ANKRD30B: variants seen among roughly 807,000 people sequenced by gnomAD.
The protein encoded by ANKRD30B is ankyrin repeat domain-containing protein 30B.
ANKRD30B carries 144 observed loss-of-function variants against 202.2 expected under a neutral mutation model. The ratio of observed to expected loss-of-function variants is 0.71; its 90% CI spans 0.62 to 0.82. The LOEUF is 0.82. ANKRD30B is among the 40% of genes least tolerant of loss of function. The pLI is 0.00. For synonymous variants in ANKRD30B, 508 were observed against 561.3 expected (o/e 0.91, Z 1.34); for missense variants, 1,487 against 1,669.1 (o/e 0.89, Z 1.90).
intron 4 of ANKRD30B, among the ~76,000 whole-genome samples, chr18:14,756,739 CA>C (rs1263801199): frequency 6.6e-6 from 1 of 152,120 alleles, no homozygotes; most frequent in Non-Finnish European, 1.5e-5. Flanking sequence ...ACTAAAAATA[CA>C]AAAATTACTG....
chr18:14,748,322 G>T lies in ANKRD30B; in HGVS notation c.-98G>T. 2 of 1,018,862 alleles carry T rather than the reference G, an allele frequency of 2.0e-6. No homozygotes were observed. Among genetic ancestry groups the T allele is most frequent in the Non-Finnish European group, 2.7e-6 (2 of 733,446 alleles). 63.1% of individuals were successfully genotyped at this position (1,018,862 alleles called of 1,614,324 possible). On this transcript the variant is annotated 5_prime_UTR_variant, in exon 1 of 44. Transcript: ENST00000690538. ...GACGGGCGAGTGCGAGCCGGGGGCG[G>T]GTGCTGGGGAAGGGTAAGCGGGAAG... is the stretch of plus-strand genomic sequence containing the variant.
At chr18:14,928,585 T>TTGGAAC in the ANKRD30B span, among the ~76,000 whole-genome samples, 2 of 152,158 alleles carry the variant, frequency 1.3e-5, no homozygotes, top group African/African-American at 2.4e-5. Context: ...TTCTCCGGCC[T>TTGGAAC]TGGAACTGGA....
chr18:14,842,223 T>A (rs778048676), intron 37 of ANKRD30B, among the ~76,000 whole-genome samples: 60 of 152,248 alleles, frequency 3.9e-4, no homozygotes, highest in Admixed American at 7.9e-4. Context: ...TATTTTTTAA[T>A]GAGTTTTATA....
At chr18:14,834,296 C>T (rs1226105809) in intron 34 of ANKRD30B, among the ~76,000 whole-genome samples, 5 of 151,182 alleles carry the variant, frequency 3.3e-5, no homozygotes, top group South Asian at 4.2e-4. Context: ...AAATTTTTGT[C>T]GTAGGTAATT....
At chr18:14,879,303 C>T in the ANKRD30B span, among the ~76,000 whole-genome samples, 1 of 151,164 alleles carries the variant, frequency 6.6e-6, no homozygotes, top group Non-Finnish European at 1.5e-5. Context: ...GGCGAGGCGG[C>T]CACAGTGCAA....
intron 33 of ANKRD30B, among the ~76,000 whole-genome samples, chr18:14,831,075 A>T (rs1480162680): frequency 3.4e-5 from 5 of 147,680 alleles, no homozygotes; most frequent in Non-Finnish European, 7.5e-5. Context: ...GCTACTGGGG[A>T]GGCTGAGGCA....
the ANKRD30B span, among the ~76,000 whole-genome samples, chr18:14,919,468 G>T: frequency 2.2e-4 from 33 of 152,276 alleles, no homozygotes; most frequent in African/African-American, 7.7e-4. Flanking sequence ...ATAAGCAGAG[G>T]TGTGAGCCTG....
Position 14,760,519 on chromosome 18 carries a change from AATAGTAATTTTAT to A in ANKRD30B, c.756-34_756-22del, listed in dbSNP as rs756893633. Reference sequence around the variant, plus strand: ...GTAAATGTTTTTTATATCTTGTTAAAATAGTAATTTTATTTATTACATTTTTATACATAGCATT... The same window carrying A: ...GTAAATGTTTTTTATATCTTGTTAAATTATTACATTTTTATACATAGCATT... On this transcript the variant is annotated intron_variant, in intron 5 of 43. Transcript: ENST00000690538. 118 of 1,171,056 alleles carry A rather than the reference AATAGTAATTTTAT, an allele frequency of 1.0e-4. 1 individual carries two copies. In the South Asian group the frequency reaches 1.5e-3, roughly 15 times the overall value. The allele number at this position is 1,171,056 out of a possible 1,614,324, so 72.5% of individuals were successfully genotyped here.
chr18:14,924,804 T>TGAGAGA, the ANKRD30B span, among the ~76,000 whole-genome samples: 1 of 152,336 alleles, frequency 6.6e-6, no homozygotes, highest in Non-Finnish European at 1.5e-5. Context: ...TTCCCCAGGC[T>TGAGAGA]GAGAGGGCTC....
intron 9 of ANKRD30B, among the ~76,000 whole-genome samples, chr18:14,774,779 A>G (rs529214601): frequency 1.2e-3 from 187 of 152,208 alleles, no homozygotes; most frequent in African/African-American, 4.2e-3. Context: ...TTTCTACAAT[A>G]CTATAAACTA....
chr18:14,918,266 G>A, the ANKRD30B span, among the ~76,000 whole-genome samples: 1 of 152,062 alleles, frequency 6.6e-6, no homozygotes, highest in African/African-American at 2.4e-5. Context: ...ACATGCTCAG[G>A]TATTCTCCTG....
the ANKRD30B span, among the ~76,000 whole-genome samples, chr18:14,908,750 G>A: frequency 6.6e-6 from 1 of 152,174 alleles, no homozygotes; most frequent in East Asian, 1.9e-4. Flanking sequence ...TGCTGGAGGG[G>A]CCAATGCTGG....
chr18:14,841,800 T>C (rs1355218357), intron 37 of ANKRD30B, among the ~76,000 whole-genome samples: 4 of 152,140 alleles, frequency 2.6e-5, no homozygotes, highest in African/African-American at 9.7e-5. Flanking sequence ...GAAGATTAGA[T>C]TGTGGGTACT....
At position 14,831,464 on chromosome 18, in the gene ANKRD30B, G is replaced by T. The variant is rs114033385; in HGVS notation, c.2847+9G>T. ...TTAATCTTACTACCAAGGTAAAATA[G>T]TCTCTTGTTAAATTGATTTTCTCAG... On this transcript the variant is annotated intron_variant, in intron 34 of 43. Coordinates refer to ENST00000690538, the MANE Select transcript of ANKRD30B (RefSeq NM_001367607.2). 3,081 of 1,461,870 alleles carry T rather than the reference G, an allele frequency of 2.1e-3. 60 individuals carry two copies. In the African/African-American group the frequency reaches 0.039, roughly 18 times the overall value. The allele number at this position is 1,461,870 out of a possible 1,614,324, so 90.6% of individuals were successfully genotyped here.
the ANKRD30B span, chr18:14,890,099 G>A: frequency 1.1e-4 from 118 of 1,066,570 alleles, 1 homozygote; most frequent in South Asian, 1.5e-3. Context: ...TATATTCAAG[G>A]AATCACAGAA....
the ANKRD30B span, among the ~76,000 whole-genome samples, chr18:14,882,447 G>T: frequency 1.3e-5 from 2 of 152,202 alleles, no homozygotes; most frequent in African/African-American, 2.4e-5. Context: ...TTTCAGTTTT[G>T]TTCCACTGTG....
chr18:14,899,485 T>C, the ANKRD30B span, among the ~76,000 whole-genome samples: 1 of 152,172 alleles, frequency 6.6e-6, no homozygotes, highest in Non-Finnish European at 1.5e-5. Flanking sequence ...TTATTTGGTT[T>C]CTAAATGTTG....
chr18:14,819,056 A>C (rs1970270276), intron 30 of ANKRD30B, among the ~76,000 whole-genome samples: 4 of 152,120 alleles, frequency 2.6e-5, no homozygotes, highest in Admixed American at 2.6e-4. Context: ...TTGCCATTCT[A>C]ACTGGTGTGA....
the ANKRD30B span, among the ~76,000 whole-genome samples, chr18:14,913,161 CT>C: frequency 1.9e-4 from 29 of 152,238 alleles, no homozygotes; most frequent in Non-Finnish European, 4.4e-5. Flanking sequence ...CTTTAATGCA[CT>C]ATTTAGACTA....
Sources: allele counts gnomAD v4.1 joint callset (sites outside exome capture counted in the v4.1 genomes callset), GRCh38; gene constraint gnomAD v4.1.1; transcripts MANE v1.5; gene names NCBI Gene and HGNC (gene_info 2026-07-23, HGNC 2026-07-21).